Variants in GATA4 observed in about 807,000 individuals in gnomAD.
GATA4 encodes the protein GATA binding protein 4, also known as transcription factor GATA-4.
GATA4 carries 7 observed loss-of-function variants against 37.9 expected under a neutral mutation model. That is an observed-to-expected ratio of 0.18 (90% CI 0.11 to 0.35). The LOEUF (loss-of-function observed/expected upper bound fraction) is 0.35. Ranked by LOEUF, GATA4 falls within the 10% of genes least tolerant of loss-of-function variation. The probability of loss-of-function intolerance (pLI) is 1.00; values close to 1 mark genes in which losing one functional copy is unlikely to be tolerated. For synonymous variants in GATA4, 372 were observed against 292.6 expected, an observed-to-expected ratio of 1.27 and a Z score of -2.77; for missense variants, 647 against 653.0, an observed-to-expected ratio of 0.99 and a Z score of 0.10.
intron 1 of GATA4, among the ~76,000 whole-genome samples, chr8:11,678,043 AATAATAATAATAAT>A (rs1440971110): frequency 1.4e-5 from 2 of 141,192 alleles, no homozygotes; most frequent in African/African-American, 5.9e-5. Context: ...TAATAATAAT[AATAATAATAATAAT>A]AAATAGGAGT....
chr8:11,727,354 G>C (rs184443852), intron 2 of GATA4, among the ~76,000 whole-genome samples: 24 of 152,298 alleles, frequency 1.6e-4, no homozygotes, highest in South Asian at 4.1e-4. Flanking sequence ...TGCTGGGAAG[G>C]GGGGAGAGCT....
At chr8:11,742,156 G>C (rs1801770002) in intron 2 of GATA4, among the ~76,000 whole-genome samples, 1 of 152,142 alleles carries the variant, frequency 6.6e-6, no homozygotes, top group Non-Finnish European at 1.5e-5. Flanking sequence ...AGACCTCCAG[G>C]GAGGAGCCGC....
chr8:11,749,850 T>C lies in GATA4; in HGVS notation c.787-261T>C, dbSNP rs1802208507. ...CACTGGTTATTCGCCTGACGGTGAA[T>C]GATGGTTAGGACTGGAAACCAGGTC... On this transcript the variant is annotated intron_variant, in intron 3 of 6. Transcript: ENST00000532059. The surrounding 1 kb of genome is among the most constrained non-coding windows in gnomAD (Gnocchi z 4.6). 6.6e-6 allele frequency among the ~76,000 whole-genome samples: 1 copy of C among 152,190 alleles called. No homozygotes were observed. Among genetic ancestry groups the C allele is most frequent in the South Asian group, 2.1e-4 (1 of 4,820 alleles).
intron 1 of GATA4, chr8:11,697,626 C>G (rs1799544223): frequency 1.0e-6 from 1 of 985,406 alleles, no homozygotes; most frequent in Admixed American, 6.1e-5. Context: ...GCCGGGCCTC[C>G]GGCCCCAGCA....
chr8:11,685,549 C>T (rs369160916), intron 1 of GATA4, among the ~76,000 whole-genome samples: 4 of 152,130 alleles, frequency 2.6e-5, no homozygotes, highest in Non-Finnish European at 4.4e-5. Flanking sequence ...TTTTAGGGTC[C>T]CCAAAACTCA....
Position 11,709,546 on chromosome 8 carries a change from C to CCGAG in GATA4, c.616+621_616+624dup, listed in dbSNP as rs2130077005. Among the ~76,000 whole-genome samples the CCGAG allele has an allele frequency of 7.7e-6, 1 of 130,650 alleles. No homozygotes were observed. The highest frequency in any genetic ancestry group is 2.8e-4 in the South Asian group (1 of 3,634). The allele number at this position is 130,650 out of a possible 152,430, so 85.7% of individuals were successfully genotyped here. ...CCGGCACTGTGCGGGTGCCACCCGGCCGAGCGCGTGGGCGCATCATGCGGG... is the reference window on the plus strand; with the variant it reads ...CCGGCACTGTGCGGGTGCCACCCGGCCGAGCGAGCGCGTGGGCGCATCATGCGGG... On this transcript the variant is annotated intron_variant, in intron 2 of 6. Transcript: ENST00000532059. This position sits in a 1 kb window ranked among gnomAD's most constrained non-coding sequence, Gnocchi z 4.3.
intron 3 of GATA4, 35 bp from the exon 4 acceptor site, chr8:11,750,076 A>G: frequency 6.2e-7 from 1 of 1,613,796 alleles, no homozygotes; most frequent in Non-Finnish European, 8.5e-7. Context: ...CACACCTTTT[A>G]CTTGGACATG....
At chr8:11,720,854 G>T (rs768054079) in intron 2 of GATA4, among the ~76,000 whole-genome samples, 20 of 151,860 alleles carry the variant, frequency 1.3e-4, no homozygotes, top group South Asian at 4.2e-4. Flanking sequence ...TGCTGCTTGG[G>T]CTTTGCTTTT....
At chr8:11,723,789 A>G (rs986124191) in intron 2 of GATA4, among the ~76,000 whole-genome samples, 1 of 152,206 alleles carries the variant, frequency 6.6e-6, no homozygotes. Context: ...TGCTTCATTC[A>G]TCTTTTTAAA....
At chr8:11,690,939 G>A (rs2129975368), upstream of GATA4, among the ~76,000 whole-genome samples, 1 of 152,336 alleles carries the variant, frequency 6.6e-6, no homozygotes, top group Middle Eastern at 3.4e-3. Flanking sequence ...GCCCAGAGGA[G>A]CAGTTTTTGA....
intron 2 of GATA4, among the ~76,000 whole-genome samples, chr8:11,742,565 T>C (rs1485430550): frequency 6.6e-6 from 1 of 152,166 alleles, no homozygotes; most frequent in African/African-American, 2.4e-5. Flanking sequence ...GACTGCAAGG[T>C]GGGCGGTAAC....
chr8:11,708,761 G>T lies in GATA4; in HGVS notation c.449G>T (p.Gly150Val), dbSNP rs970087268. Residue 150 changes from glycine to valine, a missense_variant, in exon 2 of 7, where the codon GGG becomes GTG. Gly to Val is a moderately radical substitution (Grantham distance 109). Transcript: ENST00000532059. This position sits in a 1 kb window ranked among gnomAD's most constrained non-coding sequence, Gnocchi z 6.7. Reference protein sequence around the residue: ...GAGLAGREQYGRAGFAGSYSS... With the variant: ...GAGLAGREQYVRAGFAGSYSS... ...GGCCTGGCGGGCCGCGAGCAGTACG[G>T]GCGCGCCGGCTTCGCGGGCTCCTAC... The T allele has an allele frequency of 3.5e-6, 5 of 1,419,448 alleles. No homozygotes were observed. The African/African-American group carries it at 7.5e-5, about 21-fold the overall frequency. The allele number at this position is 1,419,448 out of a possible 1,614,324, so 87.9% of individuals were successfully genotyped here.
Position 11,759,166 on chromosome 8 carries a change from C to T in GATA4, c.*691C>T, listed in dbSNP as rs563985136. Reference sequence around the variant, plus strand: ...AACATCTCTCAAAATAAAAATCCCTCTTCCCGCTCTGAGCGATTCAGCTCT... The same window carrying T: ...AACATCTCTCAAAATAAAAATCCCTTTTCCCGCTCTGAGCGATTCAGCTCT... On this transcript the variant is annotated 3_prime_UTR_variant, in exon 7 of 7. Coordinates refer to ENST00000532059, the MANE Select transcript of GATA4 (RefSeq NM_001308093.3). 1.9e-5 allele frequency: 3 copies of T among 160,266 alleles called. No homozygotes were observed. The highest frequency in any genetic ancestry group is 7.2e-5 in the African/African-American group (3 of 41,622). 9.9% of individuals were successfully genotyped at this position (160,266 alleles called of 1,614,324 possible).
chr8:11,681,584 C>G, intron 1 of GATA4: 3 of 477,908 alleles, frequency 6.3e-6, no homozygotes, highest in Non-Finnish European at 8.2e-6. Flanking sequence ...TCCTCCACCC[C>G]ACTCGCTGTT....
At chr8:11,692,907 C>A (rs1799367519) in intron 1 of GATA4, 5 of 983,584 alleles carry the variant, frequency 5.1e-6, no homozygotes, top group Middle Eastern at 5.2e-4. Context: ...CGCCTCCAGC[C>A]GCCTGGGGTT....
At chr8:11,704,621 C>T (rs1383465580) in intron 1 of GATA4, among the ~76,000 whole-genome samples, 2 of 152,226 alleles carry the variant, frequency 1.3e-5, no homozygotes, top group Non-Finnish European at 2.9e-5. Flanking sequence ...ATATCGCAGG[C>T]CGGGGCCTGG....
intron 2 of GATA4, among the ~76,000 whole-genome samples, chr8:11,711,763 A>C (rs928690159): frequency 1.3e-5 from 2 of 151,822 alleles, no homozygotes; most frequent in East Asian, 1.9e-4. Context: ...AAAAAAAAAA[A>C]AAAAAAAAAC....
chr8:11,689,263 T>C (rs928128239), upstream of GATA4, among the ~76,000 whole-genome samples: 2 of 152,214 alleles, frequency 1.3e-5, no homozygotes, highest in African/African-American at 4.8e-5. Context: ...GGGAAGACAT[T>C]CACTCAAAAT....
intron 1 of GATA4, among the ~76,000 whole-genome samples, chr8:11,687,243 C>A (rs1799166395): frequency 6.6e-6 from 1 of 152,122 alleles, no homozygotes; most frequent in Non-Finnish European, 1.5e-5. Context: ...TTGTTGACTG[C>A]TTTTCTTATC....
Sources: allele counts gnomAD v4.1 joint callset (sites outside exome capture counted in the v4.1 genomes callset), GRCh38; gene constraint gnomAD v4.1.1; non-coding constraint Gnocchi (gnomAD v3.1); transcripts MANE v1.5; gene names NCBI Gene and HGNC (gene_info 2026-07-23, HGNC 2026-07-21).